Variants in SERBP1 observed in about 807,000 individuals in gnomAD.
SERBP1 encodes the protein SERPINE1 mRNA binding protein 1.
In SERBP1, 6 loss-of-function variants were observed where a neutral mutation model predicts 50.2. That is an observed-to-expected ratio of 0.12 (90% confidence interval 0.07 to 0.24). SERBP1 has a LOEUF of 0.24. SERBP1 is among the 10% of genes least tolerant of loss of function. The probability of loss-of-function intolerance (pLI) is 1.00; values close to 1 mark genes in which losing one functional copy is unlikely to be tolerated. For missense variants in SERBP1, 346 were observed against 524.9 expected (o/e 0.66, Z 3.33); for synonymous variants, 168 against 182.8 (o/e 0.92, Z 0.65).
rs1666780324 is a variant in SERBP1 at position 67,410,161 on chromosome 1, T to C, written c.*3046A>G. On this transcript the variant is annotated 3_prime_UTR_variant, in exon 8 of 8. Coordinates refer to ENST00000361219, the MANE Select transcript of SERBP1 (RefSeq NM_001018069.2). The stretch of plus-strand genomic sequence containing the variant: ...CATCAGTTAGGTTCTAGTAACTTCC[T>C]ATTTCTCATTCCTTTGAACCTTTTA... The C allele has an allele frequency of 6.6e-6, 1 of 152,228 alleles. No homozygotes were observed. Among genetic ancestry groups the C allele is most frequent in the African/African-American group, 2.4e-5 (1 of 41,464 alleles). 9.4% of individuals were successfully genotyped at this position (152,228 alleles called of 1,614,324 possible).
Position 67,415,211 on chromosome 1 carries a change from T to TCCACCTCGTCCTCCCCTG in SERBP1, c.1062_1079dup (p.Gly357_Gly362dup). 6.2e-7 allele frequency: 1 copy of TCCACCTCGTCCTCCCCTG among 1,611,432 alleles called. No homozygotes were observed. The highest frequency in any genetic ancestry group is 1.7e-4 in the Middle Eastern group (1 of 6,046). The stretch of plus-strand genomic sequence containing the variant: ...GGTTTGGGCGCCCACCACGCCCACG[T>TCCACCTCGTCCTCCCCTG]CCACCTCGTCCTCCCCTGCCGCCAC... On this transcript the variant is annotated inframe_insertion, in exon 7 of 8. Transcript: ENST00000361219.
chr1:67,411,806 T>A lies in SERBP1; in HGVS notation c.*1401A>T, dbSNP rs946953415. Reference sequence around the variant, plus strand: ...TGACAAACAATTCTTAAAAATTTTTTAAAAATTCCTTCACTGTTTATCAAT... The same window carrying A: ...TGACAAACAATTCTTAAAAATTTTTAAAAAATTCCTTCACTGTTTATCAAT... On this transcript the variant is annotated 3_prime_UTR_variant, in exon 8 of 8. Coordinates refer to ENST00000361219, the MANE Select transcript of SERBP1 (RefSeq NM_001018069.2). The A allele has an allele frequency of 2.0e-5, 3 of 152,208 alleles. No individual in the cohort carries two copies. The highest frequency in any genetic ancestry group is 1.9e-4 in the East Asian group (1 of 5,202). 9.4% of individuals were successfully genotyped at this position (152,208 alleles called of 1,614,324 possible). A position where few individuals can be genotyped will look rare whatever the true frequency, so the allele number is the denominator to read the frequency against.
chr1:67,415,717 T>TG (rs1666981993), intron 6 of SERBP1, among the ~76,000 whole-genome samples: 1 of 152,204 alleles, frequency 6.6e-6, no homozygotes. Context: ...GAATCCTTGA[T>TG]GAAGACCTCT....
rs758194379 is a variant in SERBP1, at chr1:67,408,632, T to C, written c.*4575A>G. 1 of 150,950 alleles carries C rather than the reference T, an allele frequency of 6.6e-6. No homozygotes were observed. Among genetic ancestry groups the C allele is most frequent in the East Asian group, 1.9e-4 (1 of 5,152 alleles). The allele number at this position is 150,950 out of a possible 1,614,324, so 9.4% of individuals were successfully genotyped here. A position where few individuals can be genotyped will look rare whatever the true frequency, so the allele number is the denominator to read the frequency against. On this transcript the variant is annotated 3_prime_UTR_variant, in exon 8 of 8. Coordinates refer to ENST00000361219, the MANE Select transcript of SERBP1 (RefSeq NM_001018069.2). ...TTAATTTCTGCCCCAGCTCAACCTA[T>C]GGAATTTACCTATATGAAGTGTTCA... is the stretch of plus-strand genomic sequence containing the variant.
rs193110504 is a variant in SERBP1, at chr1:67,422,565, C to G, written c.773+1635G>C. Reference sequence around the variant, plus strand: ...AGAAAACATCTGCCCCTCCCACCCCCCAACTAACTTGAATATGCTTCTGGT... The same window carrying G: ...AGAAAACATCTGCCCCTCCCACCCCGCAACTAACTTGAATATGCTTCTGGT... On this transcript the variant is annotated intron_variant, in intron 5 of 7. Transcript: ENST00000361219. Among the ~76,000 whole-genome samples, 429 of 152,016 alleles carry G rather than the reference C, an allele frequency of 2.8e-3. 2 individuals carry two copies. The highest frequency in any genetic ancestry group is 9.8e-3 in the African/African-American group (404 of 41,406).
rs1218231279 is a variant in SERBP1 at position 67,430,344 on chromosome 1, C to A, written c.-44G>T. 2.0e-6 allele frequency: 3 copies of A among 1,490,724 alleles called. No individual in the cohort carries two copies. The highest frequency in any genetic ancestry group is 1.4e-5 in the African/African-American group (1 of 70,334). The allele number at this position is 1,490,724 out of a possible 1,614,324, so 92.3% of individuals were successfully genotyped here. A position where few individuals can be genotyped will look rare whatever the true frequency, so the allele number is the denominator to read the frequency against. ...CGTTCCTCCACGGATTGCAGCGGGC[C>A]GCGCCGAGCCAAGAGCGCCTGCTTC... On this transcript the variant is annotated 5_prime_UTR_variant, in exon 1 of 8. Coordinates refer to ENST00000361219, the MANE Select transcript of SERBP1 (RefSeq NM_001018069.2).
At chr1:67,419,452 A>G (rs1484352331) in intron 6 of SERBP1, among the ~76,000 whole-genome samples, 5 of 152,170 alleles carry the variant, frequency 3.3e-5, no homozygotes, top group African/African-American at 9.7e-5. Flanking sequence ...ACTAGTTTCC[A>G]TGTTTCTTAA....
At chr1:67,413,403 C>A (rs1179007727) in intron 7 of SERBP1, 140 bp from the exon 8 acceptor site, 2 of 706,478 alleles carry the variant, frequency 2.8e-6, no homozygotes, top group Non-Finnish European at 4.4e-6. Flanking sequence ...AATCCCAGCG[C>A]TTTGGGAGGC....
At chr1:67,413,408 G>A in intron 7 of SERBP1, 145 bp from the exon 8 acceptor site, 1 of 679,826 alleles carries the variant, frequency 1.5e-6, no homozygotes. Flanking sequence ...CAGCGCTTTG[G>A]GAGGCCAAGG....
chr1:67,416,798 G>C (rs1667025521), intron 6 of SERBP1, among the ~76,000 whole-genome samples: 1 of 152,102 alleles, frequency 6.6e-6, no homozygotes, highest in African/African-American at 2.4e-5. Context: ...AATTTTAAAG[G>C]AGGCTAGAAA....
At chr1:67,424,332 GA>G (rs1557506200) in intron 4 of SERBP1, 55 bp from the exon 5 acceptor site, 1 of 1,577,630 alleles carries the variant, frequency 6.3e-7, no homozygotes, top group Admixed American at 1.9e-5. Context: ...TCTAAGGAAA[GA>G]AAGAAAAAGA....
At chr1:67,425,255 T>C (rs767059740) in intron 2 of SERBP1, 32 bp from the exon 3 acceptor site, 4 of 1,551,610 alleles carry the variant, frequency 2.6e-6, no homozygotes, top group South Asian at 2.5e-5. Context: ...TATACTTCCA[T>C]GGTTTCCAGA....
rs780928551 is a variant in SERBP1, at chr1:67,425,164, C to G, written c.524G>C (p.Arg175Pro). ...ATCTCCTCGGCCCATTCCACGTCCA[C>G]GGCCCCCTCGACCTCTTCCAAGACC... The part of the protein sequence containing the change: ...RGGLGRGRGG[R>P]GRGMGRGDGF... Residue 175 changes from arginine to proline, a missense_variant, in exon 3 of 8, where the codon CGT becomes CCT. By Grantham distance (103) the Arg-to-Pro change is moderately radical. Around this residue, in one of 5 missense-constraint regions of SERBP1, gnomAD observed 257 missense variants for 331.2 expected, o/e 0.78. Coordinates refer to ENST00000361219, the MANE Select transcript of SERBP1 (RefSeq NM_001018069.2). 3 of 1,611,518 alleles carry G rather than the reference C, an allele frequency of 1.9e-6. No homozygotes were observed. Among genetic ancestry groups the G allele is most frequent in the Admixed American group, 1.7e-5 (1 of 59,942 alleles).
At chr1:67,416,334 T>A (rs1362477063) in intron 6 of SERBP1, among the ~76,000 whole-genome samples, 1 of 152,142 alleles carries the variant, frequency 6.6e-6, no homozygotes, top group Non-Finnish European at 1.5e-5. Flanking sequence ...AAAAATGAAG[T>A]CATGTTTGTG....
In SERBP1 at chr1:67,410,539, T is replaced by C. The variant is rs1377409321; in HGVS notation, c.*2668A>G. ...TTGCTTAACTCCACAGGTCTCAAAA[T>C]AGCTAATAAAGAAACCATGTCTCCA... On this transcript the variant is annotated 3_prime_UTR_variant, in exon 8 of 8. Coordinates refer to ENST00000361219, the MANE Select transcript of SERBP1 (RefSeq NM_001018069.2). 1.3e-5 allele frequency: 2 copies of C among 152,136 alleles called. No homozygotes were observed. Among genetic ancestry groups the C allele is most frequent in the Non-Finnish European group, 2.9e-5 (2 of 67,994 alleles). 9.4% of individuals were successfully genotyped at this position (152,136 alleles called of 1,614,324 possible).
At chr1:67,428,244 T>G (rs893127967) in intron 1 of SERBP1, among the ~76,000 whole-genome samples, 1 of 152,238 alleles carries the variant, frequency 6.6e-6, no homozygotes, top group Admixed American at 6.5e-5. Context: ...AGTTTTCCCA[T>G]GGAAAGACTC....
chr1:67,418,913 T>C (rs1667116289), intron 6 of SERBP1, among the ~76,000 whole-genome samples: 1 of 152,136 alleles, frequency 6.6e-6, no homozygotes, highest in Admixed American at 6.5e-5. Context: ...TGTCAAAAGG[T>C]TAAAGGAAGC....
chr1:67,412,108 C>G lies in SERBP1; in HGVS notation c.*1099G>C, dbSNP rs1164604319. The G allele has an allele frequency of 6.6e-6, 1 of 152,608 alleles. No individual in the cohort carries two copies. The highest frequency in any genetic ancestry group is 1.5e-5 in the Non-Finnish European group (1 of 68,032). 9.5% of individuals were successfully genotyped at this position (152,608 alleles called of 1,614,324 possible). A position where few individuals can be genotyped will look rare whatever the true frequency, so the allele number is the denominator to read the frequency against. On this transcript the variant is annotated 3_prime_UTR_variant, in exon 8 of 8. Transcript: ENST00000361219. ...CTTACAAAGTAAAGCTGTCTGCTTC[C>G]CAAATTCCAAAAATTAAAATACTCC...
At chr1:67,414,328 G>C (rs1392440518) in intron 7 of SERBP1, among the ~76,000 whole-genome samples, 1 of 150,714 alleles carries the variant, frequency 6.6e-6, no homozygotes, top group African/African-American at 2.4e-5. Flanking sequence ...AACTAAAAAA[G>C]AAAGTATGGG....
Sources: gnomAD v4.1 joint callset for allele counts (sites outside exome capture counted in the v4.1 genomes callset) on GRCh38, gnomAD v4.1.1 for gene constraint, gnomAD v4.1.1 regional missense constraint, MANE v1.5 for transcripts, NCBI Gene and HGNC (gene_info 2026-07-23, HGNC 2026-07-21) for gene names.